The following UVRAG variants were observed in gnomAD, a reference collection of about 807,000 sequenced individuals.
UVRAG encodes the protein UV radiation resistance associated.
A neutral mutation model predicts 78.0 loss-of-function variants in UVRAG; 19 were observed. The observed-to-expected ratio is 0.24, with a 90% CI of 0.17 to 0.36. UVRAG has a LOEUF of 0.36. Ranked by LOEUF, UVRAG falls within the 10% of genes least tolerant of loss-of-function variation. The pLI, the probability that UVRAG is intolerant of heterozygous loss-of-function variation, is 1.00. For synonymous variants in UVRAG, 323 were observed against 324.6 expected (o/e 1.00, Z 0.05); for missense variants, 740 against 853.8 (o/e 0.87, Z 1.66).
intron 1 of UVRAG, among the ~76,000 whole-genome samples, chr11:75,831,503 CAAA>C (rs376448104): frequency 7.7e-6 from 1 of 130,538 alleles, no homozygotes; most frequent in African/African-American, 2.6e-5. Flanking sequence ...AACAAACAAA[CAAA>C]AAAAAAAAAC....
chr11:76,122,286 G>A (rs1190509278), intron 14 of UVRAG, among the ~76,000 whole-genome samples: 2 of 152,146 alleles, frequency 1.3e-5, no homozygotes, highest in African/African-American at 2.4e-5. Flanking sequence ...AGAAGAATTT[G>A]GCCACATGAG....
At chr11:76,025,518 A>G (rs1220580178) in intron 12 of UVRAG, among the ~76,000 whole-genome samples, 2 of 152,120 alleles carry the variant, frequency 1.3e-5, no homozygotes, top group Admixed American at 6.6e-5. Flanking sequence ...TGCTCACAAC[A>G]ATACTTTTAT....
intron 1 of UVRAG, among the ~76,000 whole-genome samples, chr11:75,825,441 C>G (rs1157590507): frequency 6.6e-6 from 1 of 152,154 alleles, no homozygotes; most frequent in Non-Finnish European, 1.5e-5. Context: ...TAAATTTTTT[C>G]AATGCCTTGT....
At chr11:75,938,136 C>CTT (rs151146347) in intron 6 of UVRAG, among the ~76,000 whole-genome samples, 1 of 146,210 alleles carries the variant, frequency 6.8e-6, no homozygotes, top group African/African-American at 2.5e-5. Context: ...TCATGATTTC[C>CTT]TTTTTTTTTT....
intron 6 of UVRAG, among the ~76,000 whole-genome samples, chr11:75,946,362 A>G (rs917032443): frequency 2.4e-4 from 37 of 152,234 alleles, no homozygotes; most frequent in African/African-American, 8.7e-4. Flanking sequence ...AGTAAATGGA[A>G]TCATGAAGAG....
rs1951484051 is a variant in UVRAG at position 76,081,018 on chromosome 11, A to G, written c.1305+15230A>G. Among the ~76,000 whole-genome samples, 4 of 152,144 alleles carry G rather than the reference A, an allele frequency of 2.6e-5. No homozygotes were observed. The South Asian group carries it at 8.3e-4, about 32-fold the overall frequency. ...TAACTTTTCTAAACTGCCCTAAAACATTTCTGTGTCTGTCCCCATTGTGTT... is the reference window on the plus strand; with the variant it reads ...TAACTTTTCTAAACTGCCCTAAAACGTTTCTGTGTCTGTCCCCATTGTGTT... On this transcript the variant is annotated intron_variant, in intron 13 of 14. Transcript: ENST00000356136.
At chr11:76,055,714 A>G (rs1950969111) in intron 12 of UVRAG, among the ~76,000 whole-genome samples, 1 of 151,996 alleles carries the variant, frequency 6.6e-6, no homozygotes, top group Non-Finnish European at 1.5e-5. Flanking sequence ...GAAATATACA[A>G]ACCTTTTTTT....
chr11:76,130,295 A>G (rs1277314847), intron 14 of UVRAG, among the ~76,000 whole-genome samples: 1 of 152,172 alleles, frequency 6.6e-6, no homozygotes, highest in East Asian at 1.9e-4. Context: ...GTTGTTTGAC[A>G]TTGATGTATG....
At chr11:75,956,289 G>A (rs964064867) in intron 6 of UVRAG, among the ~76,000 whole-genome samples, 2 of 151,824 alleles carry the variant, frequency 1.3e-5, no homozygotes, top group Admixed American at 6.6e-5. Context: ...AGAATTGCTG[G>A]GTCATAGGTT....
chr11:75,914,438 A>T (rs1947807179), intron 6 of UVRAG: 1 of 152,212 alleles, frequency 6.6e-6, no homozygotes. Context: ...CTTTAATGCC[A>T]CTTAACTCTA....
At chr11:76,094,031 C>T (rs1010214304) in intron 13 of UVRAG, among the ~76,000 whole-genome samples, 3 of 152,068 alleles carry the variant, frequency 2.0e-5, no homozygotes, top group African/African-American at 7.2e-5. Context: ...GAGATACGCC[C>T]CATCAATACC....
intron 7 of UVRAG, among the ~76,000 whole-genome samples, chr11:75,978,763 A>G (rs1949315556): frequency 6.6e-6 from 1 of 152,160 alleles, no homozygotes; most frequent in Non-Finnish European, 1.5e-5. Context: ...CTAGTTAGCC[A>G]TTCATCCAAT....
At chr11:76,052,926 AC>A (rs1437669544) in intron 12 of UVRAG, among the ~76,000 whole-genome samples, 2 of 150,288 alleles carry the variant, frequency 1.3e-5, no homozygotes, top group Non-Finnish European at 3.0e-5. Context: ...TAATAAATAT[AC>A]TTTGTTTATA....
At position 76,124,421 on chromosome 11, in the gene UVRAG, A is replaced by G. The variant is rs542197379; in HGVS notation, c.1397+8406A>G. Among the ~76,000 whole-genome samples the G allele has an allele frequency of 2.6e-5, 4 of 152,190 alleles. No homozygotes were observed. The South Asian group carries it at 8.3e-4, about 32-fold the overall frequency. On this transcript the variant is annotated intron_variant, in intron 14 of 14. Transcript: ENST00000356136. ...GCAGGAATATTCCTATACATTGTTC[A>G]CTCTCGCTGTCATGTGGGACTTACA...
chr11:76,009,191 G>A (rs1950005403), intron 11 of UVRAG, among the ~76,000 whole-genome samples: 1 of 152,098 alleles, frequency 6.6e-6, no homozygotes, highest in Non-Finnish European at 1.5e-5. Context: ...TTTGTGTATG[G>A]TTGGGAGCAG....
At chr11:75,895,136 C>T (rs1228353076) in intron 5 of UVRAG, among the ~76,000 whole-genome samples, 3 of 152,174 alleles carry the variant, frequency 2.0e-5, no homozygotes, top group Non-Finnish European at 4.4e-5. Context: ...AATGACAGAG[C>T]ACATTTTAAA....
At position 75,815,233 on chromosome 11, in the gene UVRAG, A is replaced by C. The variant is rs1017976503; in HGVS notation, c.-175A>C. 1.1e-5 allele frequency: 5 copies of C among 447,912 alleles called. No individual in the cohort carries two copies. The highest frequency in any genetic ancestry group is 1.9e-5 in the Non-Finnish European group (5 of 257,252). The allele number at this position is 447,912 out of a possible 1,614,324, so 27.7% of individuals were successfully genotyped here. ...GCGGTAATATGGCTCTTCCTTAGCC[A>C]GCGGCGGCAACGGCGGCAGCGGCGG... On this transcript the variant is annotated 5_prime_UTR_variant, in exon 1 of 15. Coordinates refer to ENST00000356136, the MANE Select transcript of UVRAG (RefSeq NM_003369.4).
At chr11:75,826,169 T>C (rs934892192) in intron 1 of UVRAG, among the ~76,000 whole-genome samples, 2 of 151,408 alleles carry the variant, frequency 1.3e-5, no homozygotes, top group African/African-American at 2.4e-5. Context: ...CCTTTTTTTT[T>C]CTTTTAAGAC....
chr11:75,921,339 A>G (rs1329750397), intron 6 of UVRAG, among the ~76,000 whole-genome samples: 2 of 152,206 alleles, frequency 1.3e-5, no homozygotes, highest in African/African-American at 4.8e-5. Flanking sequence ...GTGAAATTTA[A>G]CATGTTTTCT....
Sources: allele counts gnomAD v4.1 joint callset (sites outside exome capture counted in the v4.1 genomes callset), GRCh38; gene constraint gnomAD v4.1.1; transcripts MANE v1.5; gene names NCBI Gene and HGNC (gene_info 2026-07-23, HGNC 2026-07-21).